The following HERC2 variants were observed in gnomAD, a reference collection of about 807,000 sequenced individuals.
The protein encoded by HERC2 is E3 ubiquitin-protein ligase HERC2.
Under a neutral mutation model 537.7 loss-of-function variants are expected in HERC2, and 102 were observed. The observed-to-expected ratio is 0.19, with a 90% CI of 0.16 to 0.22. The LOEUF is 0.22. Among genes scored for constraint, HERC2 ranks in the 10% least tolerant of loss-of-function variants. The probability of loss-of-function intolerance (pLI) is 1.00; values close to 1 mark genes in which losing one functional copy is unlikely to be tolerated. For synonymous variants in HERC2, 2,224 were observed against 2,466.2 expected, an observed-to-expected ratio of 0.90 and a Z score of 2.91; for missense variants, 4,236 against 6,198.2, an observed-to-expected ratio of 0.68 and a Z score of 10.63.
chr15:28,146,562 G>T (rs1318297539), intron 70 of HERC2, among the ~76,000 whole-genome samples: 1 of 152,198 alleles, frequency 6.6e-6, no homozygotes, highest in Non-Finnish European at 1.5e-5. Context: ...ACTTCCACTT[G>T]GCCAATTTGT....
chr15:28,291,369 C>T (rs1468410067), intron 4 of HERC2, among the ~76,000 whole-genome samples: 2 of 151,964 alleles, frequency 1.3e-5, no homozygotes, highest in Non-Finnish European at 1.5e-5. Context: ...GGATTACAGG[C>T]GTGAGATACC....
chr15:28,240,667 T>C lies in HERC2; in HGVS notation c.3578-1895A>G, dbSNP rs114213935. On this transcript the variant is annotated intron_variant, in intron 23 of 92. Transcript: ENST00000261609. ...TAAACCCTAAGAAAGAAGAAGGCAATAATAAAGAGTATGGCACTGGACAGA... is the reference window on the plus strand; with the variant it reads ...TAAACCCTAAGAAAGAAGAAGGCAACAATAAAGAGTATGGCACTGGACAGA... Among the ~76,000 whole-genome samples the C allele has an allele frequency of 7.7e-3, 1,173 of 151,964 alleles. 21 individuals are homozygous for C. Among genetic ancestry groups the C allele is most frequent in the African/African-American group, 0.027 (1,115 of 41,462 alleles).
intron 85 of HERC2, 62 bp downstream of exon 85, chr15:28,123,975 T>C: frequency 7.5e-7 from 1 of 1,339,362 alleles, no homozygotes; most frequent in Non-Finnish European, 1.0e-6. Context: ...ATAGGAATTC[T>C]ATTGGGTTAC....
rs576606135 is a variant in HERC2, at chr15:28,119,010, A to G, written c.13273-1856T>C. On this transcript the variant is annotated intron_variant, in intron 86 of 92. Transcript: ENST00000261609. ...ACACCACGCACGGTGGCTCACGCCT[A>G]TAATACCAGCACTTTGGGAGGCTGA... 3.8e-4 allele frequency among the ~76,000 whole-genome samples: 58 copies of G among 152,256 alleles called. 1 individual carries two copies. The South Asian group carries it at 8.9e-3, about 23-fold the overall frequency.
intron 4 of HERC2, among the ~76,000 whole-genome samples, chr15:28,286,063 C>T (rs1434018741): frequency 6.6e-6 from 1 of 151,818 alleles, no homozygotes; most frequent in African/African-American, 2.4e-5. Context: ...AATTACCAGA[C>T]CCAAATGAAC....
intron 2 of HERC2, among the ~76,000 whole-genome samples, chr15:28,304,328 G>A (rs150870569): frequency 3.7e-3 from 555 of 151,178 alleles, no homozygotes; most frequent in Admixed American, 0.028. Context: ...AGAATAACTT[G>A]GCATCTTCAT....
At chr15:28,188,533 G>A (rs1896534324) in intron 55 of HERC2, among the ~76,000 whole-genome samples, 2 of 145,310 alleles carry the variant, frequency 1.4e-5, no homozygotes, top group Admixed American at 6.7e-5. Context: ...GACAGAGTGA[G>A]ACTCCGTCTT....
intron 57 of HERC2, 140 bp downstream of exon 57, chr15:28,182,261 G>A (rs905108803): frequency 7.3e-6 from 4 of 546,196 alleles, no homozygotes; most frequent in Admixed American, 3.1e-5. Flanking sequence ...AGACGCTTCT[G>A]AGGGGTAATT....
In HERC2 at chr15:28,246,760, C is replaced by T. The variant is rs760415092; in HGVS notation, c.3373G>A (p.Val1125Met). ...AAGGTACCAGTAAAGTCCCCTTCCACAATGTAAGCCACCTCCGCGAAGTGC... is the reference window on the plus strand; with the variant it reads ...AAGGTACCAGTAAAGTCCCCTTCCATAATGTAAGCCACCTCCGCGAAGTGC... ...WRHFAEVAYI[V>M]EGDFTGVLLP... The change falls in exon 22 of 93, where the codon GTG (valine) becomes ATG (methionine). Residue 1125 changes from valine (V) to methionine (M), a missense_variant. Coordinates refer to ENST00000261609, the MANE Select transcript of HERC2 (RefSeq NM_004667.6). 6.3e-7 allele frequency: 1 copy of T among 1,588,412 alleles called. No individual in the cohort carries two copies. Among genetic ancestry groups the T allele is most frequent in the Admixed American group, 1.9e-5 (1 of 53,788 alleles).
chr15:28,219,456 G>A (rs1900284053), intron 37 of HERC2, among the ~76,000 whole-genome samples: 1 of 152,214 alleles, frequency 6.6e-6, no homozygotes, highest in Admixed American at 6.5e-5. Context: ...TAGGCTGGAT[G>A]CTGGCGGCCA....
At chr15:28,219,192 G>C (rs543040357) in intron 37 of HERC2, among the ~76,000 whole-genome samples, 1 of 152,366 alleles carries the variant, frequency 6.6e-6, no homozygotes, top group African/African-American at 2.4e-5. Flanking sequence ...TTTCTGATGA[G>C]CTGGCTGTGT....
chr15:28,246,093 A>G (rs747317889), intron 22 of HERC2, 27 bp from the exon 23 acceptor site: 1 of 1,443,152 alleles, frequency 6.9e-7, no homozygotes, highest in Non-Finnish European at 9.6e-7. Context: ...ATAAGATTTA[A>G]ATAAGTATTT....
At position 28,270,723 on chromosome 15, in the gene HERC2, G is replaced by A. The variant is rs779830734; in HGVS notation, c.1229C>T (p.Pro410Leu). ...ATGAGATGTCGGAGAGCTACACAGC[G>A]GAGGCATACAGGGCGTAGCCAGACG... is the stretch of plus-strand genomic sequence containing the variant. ...LDRLATPCMP[P>L]LCSSPTSHKG... Residue 410 changes from proline (P) to leucine (L), a missense_variant, in exon 10 of 93, where the codon CCG becomes CTG. Transcript: ENST00000261609. 2.7e-5 allele frequency: 43 copies of A among 1,613,822 alleles called. No homozygotes were observed. The highest frequency in any genetic ancestry group is 4.5e-5 in the East Asian group (2 of 44,898).
At chr15:28,273,335 C>T (rs747022512) in intron 7 of HERC2, among the ~76,000 whole-genome samples, 25 of 152,244 alleles carry the variant, frequency 1.6e-4, no homozygotes, top group South Asian at 4.1e-4. Context: ...GTTTCAATGA[C>T]GTATAAGACT....
intron 30 of HERC2, among the ~76,000 whole-genome samples, 191 bp downstream of exon 30, chr15:28,232,955 T>G (rs1240767882): frequency 6.6e-6 from 1 of 152,244 alleles, no homozygotes. Context: ...CTAAACTGTC[T>G]CATTGTCTGA....
intron 68 of HERC2, 100 bp downstream of exon 68, chr15:28,167,587 G>T: frequency 7.1e-7 from 1 of 1,403,532 alleles, no homozygotes; most frequent in Non-Finnish European, 1.0e-6. Flanking sequence ...AGGTGAATGG[G>T]ATAGGAATAG....
At chr15:28,259,969 C>CAAAA (rs35995546) in intron 16 of HERC2, among the ~76,000 whole-genome samples, 6 of 67,558 alleles carry the variant, frequency 8.9e-5, no homozygotes, top group East Asian at 7.0e-4. Flanking sequence ...CTCCATCTGG[C>CAAAA]AAAAAAAAAA....
At chr15:28,305,292 C>T (rs2076754535) in intron 2 of HERC2, among the ~76,000 whole-genome samples, 1 of 152,134 alleles carries the variant, frequency 6.6e-6, no homozygotes, top group African/African-American at 2.4e-5. Context: ...AATCGCCACA[C>T]TGACTTCCAC....
rs1371149649 is a variant in HERC2 at position 28,121,441 on chromosome 15, C to G, written c.13189-12G>C. On this transcript the variant is annotated splice_polypyrimidine_tract_variant and intron_variant, in intron 85 of 92. Coordinates refer to ENST00000261609, the MANE Select transcript of HERC2 (RefSeq NM_004667.6). ...CGGAAAGCCGCCTCCTAAAACACATCAAACAGACAAAATTTAGAATCTGAT... is the reference window on the plus strand; with the variant it reads ...CGGAAAGCCGCCTCCTAAAACACATGAAACAGACAAAATTTAGAATCTGAT... The G allele has an allele frequency of 6.2e-7, 1 of 1,602,616 alleles. No homozygotes were observed. Among genetic ancestry groups the G allele is most frequent in the South Asian group, 1.1e-5 (1 of 90,848 alleles).
Sources: gnomAD v4.1 joint callset for allele counts (sites outside exome capture counted in the v4.1 genomes callset) on GRCh38, gnomAD v4.1.1 for gene constraint, MANE v1.5 for transcripts, NCBI Gene and HGNC (gene_info 2026-07-23, HGNC 2026-07-21) for gene names.